Variants in TJP2 observed in about 807,000 individuals in gnomAD.
The protein encoded by TJP2 is Friedreich ataxia region gene X104 (tight junction protein ZO-2).
In TJP2, 91 loss-of-function variants were observed where a neutral mutation model predicts 133.1. That is an observed-to-expected ratio of 0.68 (90% CI 0.58 to 0.81). The LOEUF is 0.81. Ranked by LOEUF, TJP2 falls within the 40% of genes least tolerant of loss-of-function variation. The pLI is 0.00. For synonymous variants in TJP2, 592 were observed against 583.4 expected (o/e 1.01, Z -0.21); for missense variants, 1,541 against 1,565.6 (o/e 0.98, Z 0.26).
Position 69,254,413 on chromosome 9 carries a change from C to T in TJP2, c.*39C>T. The T allele has an allele frequency of 1.9e-6, 3 of 1,611,128 alleles. No individual in the cohort carries two copies. Among genetic ancestry groups the T allele is most frequent in the South Asian group, 2.2e-5 (2 of 91,038 alleles). On this transcript the variant is annotated 3_prime_UTR_variant, in exon 23 of 23. Transcript: ENST00000377245. ...GACTCTCCCAGGCCTGCCTGCATGG[C>T]ATCAGACTAGCCACTCCTGCCAGGC...
rs1830379929 is a variant in TJP2 at position 69,238,772 on chromosome 9, A to C, written c.2338A>C (p.Arg780=). 1 of 1,613,646 alleles carries C rather than the reference A, an allele frequency of 6.2e-7. No individual in the cohort carries two copies. Among genetic ancestry groups the C allele is most frequent in the African/African-American group, 1.3e-5 (1 of 74,928 alleles). The change falls in exon 16 of 23, where the codon AGG becomes CGG. Residue 780 remains arginine, a synonymous_variant. Transcript: ENST00000377245. The part of the protein sequence containing the change: ...STGVVRLNTV[R]QIIEQDKHAL... ...TGGAGTGGTCCGGTTAAATACCGTG[A>C]GGCAAATTATTGAACAGGTGAGAAA...
At position 69,225,409 on chromosome 9, in the gene TJP2, T is replaced by C. The variant is rs1278244243; in HGVS notation, c.1056+2T>C. The C allele has an allele frequency of 1.9e-6, 3 of 1,602,764 alleles. No homozygotes were observed. In the Admixed American group the frequency reaches 5.0e-5, roughly 27 times the overall value. ...CACGAAGGAGACATAATTCTCAAGG[T>C]GGGTAGATGGGGGCAGAGAACGGTA... On this transcript the variant is annotated splice_donor_variant, in intron 6 of 22. Transcript: ENST00000377245. LOFTEE classifies it high-confidence loss of function.
At chr9:69,145,093 T>A (rs1823156318) in intron 1 of TJP2, among the ~76,000 whole-genome samples, 1 of 152,242 alleles carries the variant, frequency 6.6e-6, no homozygotes, top group Admixed American at 6.5e-5. Context: ...AAAAGTTGTT[T>A]TTAATAATAA....
intron 1 of TJP2, among the ~76,000 whole-genome samples, chr9:69,135,607 A>AT (rs11398228): frequency 0.42 from 62,008 of 146,004 alleles, 13,110 homozygotes; most frequent in East Asian, 0.62. Context: ...CACCTAGCTG[A>AT]TTTTTTTTTT....
intron 1 of TJP2, among the ~76,000 whole-genome samples, chr9:69,135,502 A>G (rs1822691446): frequency 6.6e-6 from 1 of 152,084 alleles, no homozygotes; most frequent in Non-Finnish European, 1.5e-5. Context: ...GTACAGTGAC[A>G]CGATCTCAGC....
intron 18 of TJP2, among the ~76,000 whole-genome samples, chr9:69,247,214 T>C (rs192761356): frequency 1.3e-5 from 2 of 152,114 alleles, no homozygotes; most frequent in Admixed American, 6.5e-5. Flanking sequence ...GAAAATAAGG[T>C]TGGTTGAGAA....
chr9:69,225,053 G>A (rs1829230413), intron 5 of TJP2, among the ~76,000 whole-genome samples: 2 of 152,136 alleles, frequency 1.3e-5, no homozygotes, highest in South Asian at 4.2e-4. Flanking sequence ...ACCCTCCACT[G>A]GATCAGGGAC....
At position 69,251,120 on chromosome 9, in the gene TJP2, A is replaced by C. The variant is rs778334716; in HGVS notation, c.3077A>C (p.Glu1026Ala). Residue 1026 changes from glutamate to alanine, a missense_variant, in exon 21 of 23, where the codon GAA becomes GCA. Physicochemically the swap from Glu to Ala is moderately radical, Grantham distance 107. Coordinates refer to ENST00000377245, the MANE Select transcript of TJP2 (RefSeq NM_004817.4). The part of the protein sequence containing the change: ...KSNPSAVAGN[E>A]TPGASTKGYP... ...AACCCCTCTGCCGTTGCTGGTAATG[A>C]AACTCCTGGGGCATCTACCAAAGGT... is the stretch of plus-strand genomic sequence containing the variant. 1 of 1,614,166 alleles carries C rather than the reference A, an allele frequency of 6.2e-7. No individual in the cohort carries two copies. The highest frequency in any genetic ancestry group is 1.7e-5 in the Admixed American group (1 of 60,018).
upstream of TJP2, among the ~76,000 whole-genome samples, chr9:69,170,139 C>T (rs1035733538): frequency 1.3e-5 from 2 of 152,138 alleles, no homozygotes; most frequent in African/African-American, 4.8e-5. Flanking sequence ...TGAGCCCCTG[C>T]ACCTAGCTGA....
At chr9:69,240,622 AG>A (rs1256748293) in intron 17 of TJP2, among the ~76,000 whole-genome samples, 1 of 152,198 alleles carries the variant, frequency 6.6e-6, no homozygotes, top group Non-Finnish European at 1.5e-5. Context: ...ACTTGAGCCC[AG>A]GGGTTGGAGA....
chr9:69,133,546 C>CTTTT lies in TJP2; in HGVS notation c.-131+11841_-131+11844dup, dbSNP rs10577570. Among the ~76,000 whole-genome samples, 115 of 104,772 alleles carry CTTTT rather than the reference C, an allele frequency of 1.1e-3. 2 individuals are homozygous for CTTTT. Among genetic ancestry groups the CTTTT allele is most frequent in the African/African-American group, 1.5e-3 (38 of 25,668 alleles). The allele number at this position is 104,772 out of a possible 152,430, so 68.7% of individuals were successfully genotyped here. A position where few individuals can be genotyped will look rare whatever the true frequency, so the allele number is the denominator to read the frequency against. On this transcript the variant is annotated intron_variant, in intron 1 of 5. Coordinates refer to the TJP2 transcript ENST00000423935. ...ATGCTTTCCTGTTTCATTTTTCTGG[C>CTTTT]TTTTTTTTTTTTTTTTTTTTTTTGA... is the stretch of plus-strand genomic sequence containing the variant.
At chr9:69,177,400 A>C (rs1036902205) in intron 1 of TJP2, among the ~76,000 whole-genome samples, 1 of 152,216 alleles carries the variant, frequency 6.6e-6, no homozygotes, top group Admixed American at 6.5e-5. Flanking sequence ...GGTTAAACAC[A>C]TCAATGGTTA....
chr9:69,221,112 G>A lies in TJP2; in HGVS notation c.568G>A (p.Asp190Asn), dbSNP rs886043873. The part of the protein sequence containing the change: ...PHERARSRER[D>N]LSRDRSRGRS... ...TGAGCGGGCCCGGAGCCGGGAGCGG[G>A]ACCTCAGCCGGGACCGGAGCCGTGG... is the stretch of plus-strand genomic sequence containing the variant. The change falls in exon 5 of 23, where the codon GAC becomes AAC. Residue 190 changes from aspartate to asparagine, a missense_variant. By Grantham distance (23) the Asp-to-Asn change is conservative. Transcript: ENST00000377245. 1.3e-6 allele frequency: 2 copies of A among 1,585,146 alleles called. No individual in the cohort carries two copies. Among genetic ancestry groups the A allele is most frequent in the African/African-American group, 2.7e-5 (2 of 74,232 alleles).
intron 1 of TJP2, among the ~76,000 whole-genome samples, chr9:69,196,858 A>AAATTTGTCATTTTATGTCACAT (rs1174020289): frequency 6.6e-6 from 1 of 151,784 alleles, no homozygotes; most frequent in Non-Finnish European, 1.5e-5. Context: ...CATTTCACAT[A>AAATTTGTCATTTTATGTCACAT]AATTTGTCAT....
At chr9:69,173,912 T>C (rs1824841010), upstream of TJP2, 4 of 980,574 alleles carry the variant, frequency 4.1e-6, no homozygotes, top group African/African-American at 1.7e-5. Context: ...GAGCGGGACC[T>C]GCTTGCTCCA....
Position 69,174,432 on chromosome 9 carries a change from CGTAA to C in TJP2, c.60+3_60+6del. ...GGCGGGAGCTGTCAGGTTGGCTCCG[CGTAA>C]GTGCCTCCTTGTGCCGCGCGGTTGG... On this transcript the variant is annotated splice_donor_variant and splice_donor_region_variant and intron_variant, in intron 1 of 22. Transcript: ENST00000377245. LOFTEE classifies it high-confidence loss of function. The C allele has an allele frequency of 6.4e-7, 1 of 1,551,258 alleles. No individual in the cohort carries two copies. The highest frequency in any genetic ancestry group is 8.7e-7 in the Non-Finnish European group (1 of 1,146,946).
At chr9:69,241,767 G>A (rs1830591140) in intron 17 of TJP2, among the ~76,000 whole-genome samples, 1 of 152,132 alleles carries the variant, frequency 6.6e-6, no homozygotes, top group South Asian at 2.1e-4. Flanking sequence ...CATAAGAAAG[G>A]CCAGCACTTT....
intron 2 of TJP2, among the ~76,000 whole-genome samples, chr9:69,158,827 T>TG (rs939106820): frequency 1.4e-4 from 21 of 152,240 alleles, no homozygotes; most frequent in South Asian, 2.1e-4. Context: ...CTGGCTGGAA[T>TG]GGGGGGGTTC....
At position 69,198,159 on chromosome 9, in the gene TJP2, T is replaced by TTTTTTTTTG. The variant is rs10674501; in HGVS notation, c.61-14389_61-14388insTTTTTTTTG. Among the ~76,000 whole-genome samples the TTTTTTTTTG allele has an allele frequency of 2.3e-5, 3 of 133,134 alleles. 1 individual carries two copies. The highest frequency in any genetic ancestry group is 3.2e-5 in the Non-Finnish European group (2 of 61,996). The allele number at this position is 133,134 out of a possible 152,430, so 87.3% of individuals were successfully genotyped here. ...CCCAATTCTTTTTTTTTTTTTTTTT[T>TTTTTTTTTG]GAGACTGAGTTTCACTCTGTCACCC... is the stretch of plus-strand genomic sequence containing the variant. On this transcript the variant is annotated intron_variant, in intron 1 of 22. Coordinates refer to ENST00000377245, the MANE Select transcript of TJP2 (RefSeq NM_004817.4).
Sources: gnomAD v4.1 joint callset for allele counts (sites outside exome capture counted in the v4.1 genomes callset) on GRCh38, gnomAD v4.1.1 for gene constraint, MANE v1.5 for transcripts, NCBI Gene and HGNC (gene_info 2026-07-23, HGNC 2026-07-21) for gene names.